The following PARVB variants were observed in gnomAD, a reference collection of about 807,000 sequenced individuals.
The protein encoded by PARVB is parvin beta, also known as beta-parvin.
In PARVB, 46 loss-of-function variants were observed where a neutral mutation model predicts 47.0. That is an observed-to-expected ratio of 0.98 (90% confidence interval 0.77 to 1.25). PARVB has a LOEUF of 1.25. Among genes scored for constraint, PARVB ranks in the 50% most tolerant of loss-of-function variants. PARVB has a pLI of 0.00. For synonymous variants in PARVB, 196 were observed against 196.3 expected, an observed-to-expected ratio of 1.00 and a Z score of 0.01; for missense variants, 473 against 471.6, an observed-to-expected ratio of 1.00 and a Z score of -0.03.
intron 1 of PARVB, among the ~76,000 whole-genome samples, chr22:44,047,170 T>TCC (rs1240941176): frequency 1.3e-5 from 2 of 152,136 alleles, no homozygotes; most frequent in Non-Finnish European, 2.9e-5. Context: ...GAAAAGAGGT[T>TCC]TACTTGGCTC....
chr22:44,087,857 T>C (rs183958957), intron 1 of PARVB, among the ~76,000 whole-genome samples: 1 of 151,098 alleles, frequency 6.6e-6, no homozygotes, highest in Admixed American at 6.6e-5. Context: ...TTTTTTTTTT[T>C]TTTTTTCTTT....
At chr22:44,002,866 GTAGCTTTATACA>G (rs1463294244) in intron 2 of PARVB, among the ~76,000 whole-genome samples, 1 of 152,154 alleles carries the variant, frequency 6.6e-6, no homozygotes, top group East Asian at 1.9e-4. Flanking sequence ...TGCCAGAGTT[GTAGCTTTATACA>G]TAGTGCCTTC....
chr22:44,020,556 C>T (rs11704407), upstream of PARVB, among the ~76,000 whole-genome samples: 1 of 152,276 alleles, frequency 6.6e-6, no homozygotes, highest in African/African-American at 2.4e-5. Flanking sequence ...GAGATTCTTA[C>T]CCCCCTCAGG....
intron 1 of PARVB, chr22:44,086,750 G>C: frequency 1.0e-6 from 1 of 985,434 alleles, no homozygotes; most frequent in Non-Finnish European, 1.2e-6. Context: ...CTGTTAAGAA[G>C]ACCTTCGTGC....
intron 2 of PARVB, among the ~76,000 whole-genome samples, chr22:44,012,653 A>G (rs1028034406): frequency 1.3e-5 from 2 of 152,282 alleles, no homozygotes; most frequent in Admixed American, 1.3e-4. Flanking sequence ...TCGCACATCA[A>G]TTAAATATTT....
upstream of PARVB, among the ~76,000 whole-genome samples, chr22:44,019,425 G>T (rs2050620938): frequency 6.6e-6 from 1 of 151,584 alleles, no homozygotes; most frequent in Non-Finnish European, 1.5e-5. Flanking sequence ...TCACCATGTT[G>T]GCCAGTCTAG....
At chr22:44,050,230 T>C (rs2146936408) in intron 1 of PARVB, among the ~76,000 whole-genome samples, 1 of 152,304 alleles carries the variant, frequency 6.6e-6, no homozygotes, top group Middle Eastern at 3.4e-3. Flanking sequence ...CCAGTGGTTA[T>C]CTAAAGCAAG....
intron 1 of PARVB, among the ~76,000 whole-genome samples, chr22:44,061,051 TG>T (rs1266299333): frequency 4.6e-5 from 7 of 152,232 alleles, no homozygotes; most frequent in Non-Finnish European, 1.0e-4. Context: ...CTCTGACCTG[TG>T]CGTTCTCTGC....
At chr22:44,065,087 C>T (rs1312906702) in intron 1 of PARVB, among the ~76,000 whole-genome samples, 1 of 152,188 alleles carries the variant, frequency 6.6e-6, no homozygotes, top group Non-Finnish European at 1.5e-5. Context: ...GCCCAGCCTG[C>T]CCCATGTGCC....
chr22:44,046,086 C>G (rs1448914312), intron 1 of PARVB, among the ~76,000 whole-genome samples: 1 of 152,166 alleles, frequency 6.6e-6, no homozygotes, highest in Non-Finnish European at 1.5e-5. Flanking sequence ...CTTTAATTTC[C>G]CTTCGCAATG....
At position 44,156,441 on chromosome 22, in the gene PARVB, G is replaced by A. The variant is rs566040163; in HGVS notation, c.844-1541G>A. Among the ~76,000 whole-genome samples, 71 of 151,960 alleles carry A rather than the reference G, an allele frequency of 4.7e-4. No individual in the cohort carries two copies. The Middle Eastern group carries it at 0.014, about 29-fold the overall frequency. On this transcript the variant is annotated intron_variant, in intron 10 of 12. Coordinates refer to ENST00000338758, the MANE Select transcript of PARVB (RefSeq NM_013327.5). ...ATTACAGGCATGCACCACCACACCC[G>A]CTAATTTTTGTATTTTTACTAGAGA...
chr22:44,099,985 C>G (rs2052402771), intron 2 of PARVB, 68 bp from the exon 3 acceptor site: 3 of 1,289,584 alleles, frequency 2.3e-6, no homozygotes, highest in Non-Finnish European at 3.4e-6. Flanking sequence ...GAGTTGGCCT[C>G]CCCCTGGTTC....
At position 44,082,530 on chromosome 22, in the gene PARVB, C is replaced by CAAAAACA. The variant is rs1005411995; in HGVS notation, c.113-11379_113-11373dup. ...CAAGAGTCCGTCTCAAAAACAAAAACAAAAACAAAAAACAAAAAACAAAAA... is the reference window on the plus strand; with the variant it reads ...CAAGAGTCCGTCTCAAAAACAAAAACAAAAACAAAAAACAAAAAACAAAAAACAAAAA... On this transcript the variant is annotated intron_variant, in intron 1 of 12. Transcript: ENST00000338758. Among the ~76,000 whole-genome samples the CAAAAACA allele has an allele frequency of 2.6e-5, 4 of 152,042 alleles. No individual in the cohort carries two copies. In the East Asian group the frequency reaches 7.8e-4, roughly 29 times the overall value.
At chr22:44,027,882 A>T (rs1230668217) in intron 1 of PARVB, among the ~76,000 whole-genome samples, 1 of 149,274 alleles carries the variant, frequency 6.7e-6, no homozygotes, top group East Asian at 2.0e-4. Context: ...TGGTCAACAG[A>T]GTGAGACTCC....
At chr22:44,129,211 A>G (rs9614343) in intron 4 of PARVB, among the ~76,000 whole-genome samples, 84,258 of 152,124 alleles carry the variant, frequency 0.55, 23,783 homozygotes, top group East Asian at 0.71. Context: ...GAGGGAGACC[A>G]AGTAAGGACA....
intron 1 of PARVB, among the ~76,000 whole-genome samples, chr22:44,092,206 G>A (rs1601589124): frequency 6.6e-6 from 1 of 152,286 alleles, no homozygotes; most frequent in East Asian, 1.9e-4. Context: ...CGCCTCCTGG[G>A]TTCAAGCAAT....
intron 1 of PARVB, among the ~76,000 whole-genome samples, chr22:44,077,013 A>G (rs1460409341): frequency 6.6e-6 from 1 of 152,098 alleles, no homozygotes; most frequent in Non-Finnish European, 1.5e-5. Context: ...ACTCTTGAGT[A>G]TGGGTCCTGT....
chr22:44,019,294 A>C (rs2050619288), intron 2 of PARVB, among the ~76,000 whole-genome samples: 1 of 150,986 alleles, frequency 6.6e-6, no homozygotes, highest in African/African-American at 2.4e-5. Flanking sequence ...ATCTTGGCTA[A>C]CTGCAACCTC....
At chr22:44,160,019 T>C (rs1198940732) in intron 11 of PARVB, among the ~76,000 whole-genome samples, 1 of 152,200 alleles carries the variant, frequency 6.6e-6, no homozygotes, top group African/African-American at 2.4e-5. Flanking sequence ...AACAATTGCA[T>C]TGGATTTAAA....
Sources: gnomAD v4.1 joint callset for allele counts (sites outside exome capture counted in the v4.1 genomes callset) on GRCh38, gnomAD v4.1.1 for gene constraint, MANE v1.5 for transcripts, NCBI Gene and HGNC (gene_info 2026-07-23, HGNC 2026-07-21) for gene names.